GRM8: variants seen among roughly 807,000 people sequenced by gnomAD.
GRM8 encodes metabotropic glutamate receptor 8.
A neutral mutation model predicts 87.2 loss-of-function variants in GRM8; 47 were observed. The observed-to-expected ratio is 0.54, with a 90% CI of 0.43 to 0.69. The LOEUF is 0.69. GRM8 is among the 30% of genes least tolerant of loss of function. The pLI, the probability that GRM8 is intolerant of heterozygous loss-of-function variation, is 0.00. For missense variants in GRM8, 1,019 were observed against 1,139.2 expected (o/e 0.89, Z 1.52); for synonymous variants, 396 against 404.5 (o/e 0.98, Z 0.25).
intron 7 of GRM8, among the ~76,000 whole-genome samples, chr7:126,692,291 A>T (rs1187346586): frequency 5.3e-5 from 8 of 152,210 alleles, no homozygotes; most frequent in African/African-American, 1.9e-4. Flanking sequence ...AACCTTTGAA[A>T]TTCTACTATA....
intron 2 of GRM8, among the ~76,000 whole-genome samples, chr7:127,226,607 A>G (rs1051909972): frequency 6.6e-6 from 1 of 152,220 alleles, no homozygotes; most frequent in Non-Finnish European, 1.5e-5. Flanking sequence ...TGGCACTTGT[A>G]AAAACTCAGG....
intron 8 of GRM8, among the ~76,000 whole-genome samples, chr7:126,549,991 C>T (rs181693609): frequency 6.6e-6 from 1 of 151,744 alleles, no homozygotes; most frequent in African/African-American, 2.4e-5. Context: ...ACCCAGGTCT[C>T]AATGAAAATA....
rs564421885 is a variant in GRM8, at chr7:127,006,233, G to T, written c.727+100263C>A. On this transcript the variant is annotated intron_variant, in intron 3 of 10. Coordinates refer to ENST00000339582, the MANE Select transcript of GRM8 (RefSeq NM_000845.3). ...TCCATATAAACCAACTCTTCACAGCGCACTGAATTCCAGCACCAACATTTA... is the reference window on the plus strand; with the variant it reads ...TCCATATAAACCAACTCTTCACAGCTCACTGAATTCCAGCACCAACATTTA... Among the ~76,000 whole-genome samples the T allele has an allele frequency of 7.2e-5, 11 of 151,964 alleles. No individual in the cohort carries two copies. The East Asian group carries it at 1.9e-3, about 27-fold the overall frequency.
intron 8 of GRM8, among the ~76,000 whole-genome samples, chr7:126,590,474 C>T (rs1000742375): frequency 6.6e-6 from 1 of 152,034 alleles, no homozygotes; most frequent in African/African-American, 2.4e-5. Flanking sequence ...AGGAAAACTT[C>T]CCCAGTCTTG....
At chr7:126,532,113 T>A (rs1041518218) in intron 9 of GRM8, among the ~76,000 whole-genome samples, 3 of 152,218 alleles carry the variant, frequency 2.0e-5, no homozygotes, top group Admixed American at 6.5e-5. Context: ...TTTCTGTACA[T>A]AGAACTACAA....
chr7:126,646,418 T>A (rs560670158), intron 7 of GRM8, among the ~76,000 whole-genome samples: 1 of 152,278 alleles, frequency 6.6e-6, no homozygotes, highest in African/African-American at 2.4e-5. Flanking sequence ...TCAAAAAAGT[T>A]ACCTAAAAGA....
intron 9 of GRM8, among the ~76,000 whole-genome samples, chr7:126,473,836 T>G (rs1805587617): frequency 6.6e-6 from 1 of 152,096 alleles, no homozygotes. Flanking sequence ...TCATGAGATC[T>G]GATGGTTTTA....
intron 3 of GRM8, among the ~76,000 whole-genome samples, chr7:127,029,780 C>G (rs1417697514): frequency 1.3e-5 from 2 of 151,968 alleles, no homozygotes; most frequent in African/African-American, 2.4e-5. Flanking sequence ...GGTCTTGACT[C>G]TTTACCCAAT....
At chr7:126,688,239 T>C (rs1418766207) in intron 7 of GRM8, among the ~76,000 whole-genome samples, 2 of 152,124 alleles carry the variant, frequency 1.3e-5, no homozygotes, top group Non-Finnish European at 2.9e-5. Flanking sequence ...GTAGGAGGGA[T>C]GAGAATTCAA....
chr7:126,802,997 T>G (rs1003274559), intron 6 of GRM8, among the ~76,000 whole-genome samples: 2 of 152,170 alleles, frequency 1.3e-5, no homozygotes, highest in Admixed American at 6.5e-5. Context: ...TAGCAGGATT[T>G]ACTGACCTTG....
chr7:126,975,540 C>T (rs1049953135), intron 3 of GRM8, among the ~76,000 whole-genome samples: 4 of 152,138 alleles, frequency 2.6e-5, no homozygotes, highest in Non-Finnish European at 5.9e-5. Context: ...AAGTTTATGG[C>T]CACTCCCATT....
chr7:127,206,302 C>A (rs1795909024), intron 2 of GRM8, among the ~76,000 whole-genome samples: 1 of 152,086 alleles, frequency 6.6e-6, no homozygotes, highest in Admixed American at 6.5e-5. Context: ...GCGGTGAAGA[C>A]CTCTCTCAGA....
chr7:127,184,152 T>G lies in GRM8; in HGVS notation c.510+58543A>C, dbSNP rs183476378. Among the ~76,000 whole-genome samples, 321 of 152,024 alleles carry G rather than the reference T, an allele frequency of 2.1e-3. 3 individuals carry two copies. Among genetic ancestry groups the G allele is most frequent in the Admixed American group, 0.019 (290 of 15,256 alleles). On this transcript the variant is annotated intron_variant, in intron 2 of 10. Coordinates refer to ENST00000339582, the MANE Select transcript of GRM8 (RefSeq NM_000845.3). ...AATAGAAATAATTCCTAACTCATTC[T>G]ATGAGTCCAGAATTACCCTAACACC...
intron 7 of GRM8, among the ~76,000 whole-genome samples, chr7:126,623,653 C>T (rs925349999): frequency 6.6e-6 from 1 of 152,156 alleles, no homozygotes; most frequent in African/African-American, 2.4e-5. Flanking sequence ...TGGACTGAAC[C>T]CCCCTTCAAT....
At chr7:127,208,530 C>T (rs147199196) in intron 2 of GRM8, among the ~76,000 whole-genome samples, 198 of 152,302 alleles carry the variant, frequency 1.3e-3, no homozygotes, top group Non-Finnish European at 2.3e-3. Flanking sequence ...GACATAGCAA[C>T]GTGTTGAGTA....
intron 6 of GRM8, among the ~76,000 whole-genome samples, chr7:126,788,420 A>AAAAAAAAAAAAAAAAAAAAAACAAAAAAC: frequency 1.7e-4 from 14 of 81,112 alleles, no homozygotes; most frequent in African/African-American, 5.0e-4. Flanking sequence ...AAAAAAAAAA[A>AAAAAAAAAAAAAAAAAAAAAACAAAAAAC]AAACCCTTTC....
chr7:126,725,490 C>T (rs1374373111), intron 7 of GRM8, among the ~76,000 whole-genome samples: 1 of 152,186 alleles, frequency 6.6e-6, no homozygotes, highest in East Asian at 1.9e-4. Flanking sequence ...TCCACTCCTA[C>T]TCTAAAGCCC....
intron 8 of GRM8, among the ~76,000 whole-genome samples, chr7:126,582,868 A>G (rs1164251584): frequency 1.3e-5 from 2 of 152,168 alleles, no homozygotes; most frequent in Admixed American, 1.3e-4. Flanking sequence ...TAAACATATC[A>G]TTGGGATGAA....
chr7:126,713,678 T>TAC (rs1811379490), intron 7 of GRM8, among the ~76,000 whole-genome samples: 1 of 149,028 alleles, frequency 6.7e-6, no homozygotes. Flanking sequence ...AAGCAGATAA[T>TAC]ACAGTGGCAT....
Sources: allele counts gnomAD v4.1 joint callset (sites outside exome capture counted in the v4.1 genomes callset), GRCh38; gene constraint gnomAD v4.1.1; transcripts MANE v1.5; gene names NCBI Gene and HGNC (gene_info 2026-07-23, HGNC 2026-07-21).